Variants in RORA observed in about 807,000 individuals in gnomAD.
RORA encodes the protein RAR related orphan receptor A.
Under a neutral mutation model 69.5 loss-of-function variants are expected in RORA, and 7 were observed. That is an observed-to-expected ratio of 0.10 (90% CI 0.06 to 0.19). The LOEUF (loss-of-function observed/expected upper bound fraction) is 0.19, where lower values mean the gene tolerates loss of function less well. Ranked by LOEUF, RORA falls within the 10% of genes least tolerant of loss-of-function variation. The pLI is 1.00. For synonymous variants in RORA, 261 were observed against 240.8 expected, an observed-to-expected ratio of 1.08 and a Z score of -0.78; for missense variants, 457 against 663.0, an observed-to-expected ratio of 0.69 and a Z score of 3.41.
intron 1 of RORA, among the ~76,000 whole-genome samples, chr15:60,838,843 A>AACACACACACACAC (rs58762022): frequency 2.5e-4 from 31 of 122,114 alleles, no homozygotes; most frequent in African/African-American, 7.9e-4. Flanking sequence ...ACATTCATTC[A>AACACACACACACAC]ACACACACAC....
At chr15:60,659,672 TA>T (rs1478903985) in intron 2 of RORA, among the ~76,000 whole-genome samples, 1 of 152,120 alleles carries the variant, frequency 6.6e-6, no homozygotes, top group Non-Finnish European at 1.5e-5. Flanking sequence ...AAATACTAAC[TA>T]CCCAAAGTGA....
chr15:60,505,358 G>C, intron 6 of RORA, 150 bp downstream of exon 6: 1 of 797,090 alleles, frequency 1.3e-6, no homozygotes, highest in Non-Finnish European at 2.0e-6. Flanking sequence ...AAAGCCTCAA[G>C]TACATTAGTA....
intron 2 of RORA, among the ~76,000 whole-genome samples, chr15:60,533,751 A>C (rs2066597078): frequency 6.6e-6 from 1 of 152,228 alleles, no homozygotes; most frequent in Non-Finnish European, 1.5e-5. Flanking sequence ...ATTCCTAGGA[A>C]TGTAATAATT....
chr15:60,734,230 G>A (rs1004122618), intron 1 of RORA, among the ~76,000 whole-genome samples: 1 of 152,060 alleles, frequency 6.6e-6, no homozygotes, highest in African/African-American at 2.4e-5. Flanking sequence ...AGCATCACCT[G>A]GAAAATTATT....
chr15:60,639,984 G>T (rs143300833), intron 2 of RORA, among the ~76,000 whole-genome samples: 1 of 152,326 alleles, frequency 6.6e-6, no homozygotes, highest in African/African-American at 2.4e-5. Flanking sequence ...AAACACTGTT[G>T]TATCGTGGAG....
intron 1 of RORA, among the ~76,000 whole-genome samples, chr15:60,834,114 G>C (rs2073083665): frequency 6.6e-6 from 1 of 152,188 alleles, no homozygotes. Flanking sequence ...AGGAAAAAAG[G>C]TAAAAATAAC....
At chr15:60,556,422 C>G (rs1027290897) in intron 2 of RORA, among the ~76,000 whole-genome samples, 1 of 152,248 alleles carries the variant, frequency 6.6e-6, no homozygotes, top group East Asian at 1.9e-4. Context: ...CTCCACCCCA[C>G]TTCTATCCCG....
intron 1 of RORA, among the ~76,000 whole-genome samples, chr15:61,015,188 C>T (rs1895238119): frequency 6.6e-6 from 1 of 152,172 alleles, no homozygotes; most frequent in Non-Finnish European, 1.5e-5. Context: ...TACCGGATGC[C>T]TTCCCACCTG....
chr15:60,808,605 T>G (rs1189187584), intron 1 of RORA, among the ~76,000 whole-genome samples: 1 of 151,744 alleles, frequency 6.6e-6, no homozygotes, highest in Non-Finnish European at 1.5e-5. Flanking sequence ...AAAAGATACT[T>G]GCACACACAC....
At chr15:61,185,005 G>A (rs71411446) in intron 1 of RORA, among the ~76,000 whole-genome samples, 57,561 of 113,290 alleles carry the variant, frequency 0.51, 15,410 homozygotes, top group Non-Finnish European at 0.59. Context: ...AAAAAAAAAA[G>A]AAGAAGAAGA....
chr15:60,858,597 G>T (rs904606439), intron 1 of RORA, among the ~76,000 whole-genome samples: 2 of 151,844 alleles, frequency 1.3e-5, no homozygotes, highest in African/African-American at 4.8e-5. Flanking sequence ...TGAAGCAGGG[G>T]TGGGCAGCAG....
chr15:61,042,757 C>A (rs1896842786), intron 1 of RORA, among the ~76,000 whole-genome samples: 1 of 152,222 alleles, frequency 6.6e-6, no homozygotes, highest in African/African-American at 2.4e-5. Context: ...TGGGAATTGC[C>A]AGCCAAGTCC....
intron 1 of RORA, among the ~76,000 whole-genome samples, chr15:60,715,187 C>T (rs1032506467): frequency 1.3e-5 from 2 of 152,168 alleles, no homozygotes; most frequent in Non-Finnish European, 2.9e-5. Flanking sequence ...TTGGCCATAC[C>T]TCCCAATGTG....
At chr15:61,143,173 T>G (rs933062818) in intron 1 of RORA, among the ~76,000 whole-genome samples, 1 of 152,154 alleles carries the variant, frequency 6.6e-6, no homozygotes, top group Non-Finnish European at 1.5e-5. Flanking sequence ...AAATAGCTTA[T>G]ATAAACAAAA....
intron 1 of RORA, among the ~76,000 whole-genome samples, chr15:60,703,974 T>C (rs1232519168): frequency 6.6e-6 from 1 of 152,256 alleles, no homozygotes; most frequent in African/African-American, 2.4e-5. Context: ...TCTACTTTTA[T>C]GTCTTTTCCA....
At chr15:61,110,189 G>C (rs1365313969) in intron 1 of RORA, among the ~76,000 whole-genome samples, 1 of 152,196 alleles carries the variant, frequency 6.6e-6, no homozygotes, top group African/African-American at 2.4e-5. Context: ...ACGAGGTCAA[G>C]AGATCATGAC....
At chr15:60,715,810 A>G (rs1233542749) in intron 1 of RORA, among the ~76,000 whole-genome samples, 3 of 152,154 alleles carry the variant, frequency 2.0e-5, no homozygotes, top group Admixed American at 1.3e-4. Flanking sequence ...AAATCCCTCT[A>G]AAATGTTAGG....
At chr15:60,903,240 G>C (rs942712659) in intron 1 of RORA, among the ~76,000 whole-genome samples, 1 of 152,216 alleles carries the variant, frequency 6.6e-6, no homozygotes, top group Non-Finnish European at 1.5e-5. Context: ...TAGGTGAGGA[G>C]AGAGGCTAAT....
At chr15:60,699,167 T>A (rs1006635575) in intron 1 of RORA, among the ~76,000 whole-genome samples, 1 of 152,158 alleles carries the variant, frequency 6.6e-6, no homozygotes, top group Non-Finnish European at 1.5e-5. Context: ...ACTATAAATA[T>A]CCTCTTTAAA....
Sources: gnomAD v4.1 joint callset for allele counts (sites outside exome capture counted in the v4.1 genomes callset) on GRCh38, gnomAD v4.1.1 for gene constraint, MANE v1.5 for transcripts, NCBI Gene and HGNC (gene_info 2026-07-23, HGNC 2026-07-21) for gene names.